The following R3HCC1L variants were observed in gnomAD, a reference collection of about 807,000 sequenced individuals.
R3HCC1L encodes the protein coiled-coil domain-containing protein R3HCC1L.
A neutral mutation model predicts 59.9 loss-of-function variants in R3HCC1L; 51 were observed. The observed-to-expected ratio is 0.85, with a 90% confidence interval of 0.68 to 1.07. R3HCC1L has a LOEUF of 1.07. R3HCC1L is among the 50% of genes least tolerant of loss of function. R3HCC1L has a pLI of 0.00. For missense variants in R3HCC1L, 965 were observed against 933.0 expected, an observed-to-expected ratio of 1.03 and a Z score of -0.45; for synonymous variants, 322 against 315.2, an observed-to-expected ratio of 1.02 and a Z score of -0.23.
intron 4 of R3HCC1L, among the ~76,000 whole-genome samples, chr10:98,205,519 T>C (rs1852536244): frequency 6.6e-6 from 1 of 152,208 alleles, no homozygotes; most frequent in Non-Finnish European, 1.5e-5. Context: ...TTACTTCAGC[T>C]AAGAAGTCGC....
chr10:98,142,087 T>C (rs1845197804), intron 1 of R3HCC1L, among the ~76,000 whole-genome samples: 2 of 152,244 alleles, frequency 1.3e-5, no homozygotes, highest in African/African-American at 4.8e-5. Flanking sequence ...TAAAAACTTT[T>C]AAACCTAAAG....
intron 4 of R3HCC1L, among the ~76,000 whole-genome samples, chr10:98,191,917 C>T (rs563987423): frequency 2.0e-4 from 30 of 152,220 alleles, no homozygotes; most frequent in Admixed American, 1.5e-3. Context: ...CTCTGCCTCG[C>T]GGGTTCAAGC....
chr10:98,153,372 C>T (rs899664038), intron 1 of R3HCC1L, among the ~76,000 whole-genome samples: 4 of 152,068 alleles, frequency 2.6e-5, no homozygotes, highest in East Asian at 3.9e-4. Flanking sequence ...GGATTAAGGG[C>T]GGTGCAACAT....
At chr10:98,217,846 G>C (rs1854394681) in intron 5 of R3HCC1L, among the ~76,000 whole-genome samples, 1 of 151,676 alleles carries the variant, frequency 6.6e-6, no homozygotes, top group African/African-American at 2.4e-5. Context: ...GTACAGAAAT[G>C]CTGAGTTATA....
At chr10:98,221,518 C>A (rs11189517) in intron 5 of R3HCC1L, among the ~76,000 whole-genome samples, 1 of 150,998 alleles carries the variant, frequency 6.6e-6, no homozygotes, top group African/African-American at 2.4e-5. Flanking sequence ...TTAGGTCTAA[C>A]GTTTAAGTCT....
Position 98,209,817 on chromosome 10 carries a change from A to T in R3HCC1L, c.1703A>T (p.Glu568Val). ...EPKATETSHT[E>V]GITAIEESWE... is the part of the protein sequence containing the mutation. The stretch of plus-strand genomic sequence containing the variant: ...AAAGCAACTGAAACTTCTCACACAG[A>T]GGGAATTACTGCCATTGAGGAGAGC... The change falls in exon 5 of 10, where the codon GAG (glutamate) becomes GTG (valine). Residue 568 changes from glutamate (E) to valine (V), a missense_variant. Physicochemically the swap from Glu to Val is moderately radical, Grantham distance 121. Coordinates refer to ENST00000298999, the MANE Select transcript of R3HCC1L (RefSeq NM_001351015.2). 1 of 1,613,896 alleles carries T rather than the reference A, an allele frequency of 6.2e-7. No homozygotes were observed.
chr10:98,180,953 G>A (rs1354344718), intron 4 of R3HCC1L, among the ~76,000 whole-genome samples: 1 of 152,126 alleles, frequency 6.6e-6, no homozygotes, highest in African/African-American at 2.4e-5. Context: ...CTCCGCATGT[G>A]AGTTGGGTCT....
chr10:98,174,611 A>AG, intron 4 of R3HCC1L: 2 of 985,266 alleles, frequency 2.0e-6, no homozygotes, highest in Non-Finnish European at 2.4e-6. Flanking sequence ...CTCATTTAGG[A>AG]GGGCGTTAGA....
At chr10:98,160,841 T>C (rs2134169622) in intron 2 of R3HCC1L, among the ~76,000 whole-genome samples, 1 of 152,322 alleles carries the variant, frequency 6.6e-6, no homozygotes, top group South Asian at 2.1e-4. Flanking sequence ...CAGTTATCCT[T>C]CATGTGTTTT....
chr10:98,192,526 G>A (rs952653908), intron 4 of R3HCC1L, among the ~76,000 whole-genome samples: 8 of 152,056 alleles, frequency 5.3e-5, no homozygotes, highest in South Asian at 4.1e-4. Context: ...ACAATTATAC[G>A]CCAACATATT....
At chr10:98,147,368 CTTTACT>C (rs1471545034) in intron 1 of R3HCC1L, among the ~76,000 whole-genome samples, 1 of 152,056 alleles carries the variant, frequency 6.6e-6, no homozygotes, top group Non-Finnish European at 1.5e-5. Flanking sequence ...TGGGTTATCT[CTTTACT>C]TTGATTGTTT....
At chr10:98,182,399 C>T (rs1249528400) in intron 4 of R3HCC1L, among the ~76,000 whole-genome samples, 1 of 152,140 alleles carries the variant, frequency 6.6e-6, no homozygotes, top group Non-Finnish European at 1.5e-5. Flanking sequence ...CTGATCCTTC[C>T]TCTGGAAGCT....
At position 98,209,283 on chromosome 10, in the gene R3HCC1L, CT is replaced by C. The variant is rs749109782; in HGVS notation, c.1170del (p.Val391LeufsTer6). 36 of 1,613,814 alleles carry C rather than the reference CT, an allele frequency of 2.2e-5. No individual in the cohort carries two copies. Among genetic ancestry groups the C allele is most frequent in the Middle Eastern group, 1.6e-4 (1 of 6,082 alleles). On this transcript the variant is annotated frameshift_variant, in exon 5 of 10. Transcript: ENST00000298999. LOFTEE classifies it high-confidence loss of function. ...GGTATGTCCTGTAGTGATCATGTAA[CT>C]GTTGATAGCCCTTATGTAGTTGCAG... is the stretch of plus-strand genomic sequence containing the variant. The part of the protein sequence containing the change: ...TTGMSCSDHV[T>X]VDSPYVVAVR...
At chr10:98,136,092 A>G (rs1404009933) in intron 1 of R3HCC1L, among the ~76,000 whole-genome samples, 3 of 149,748 alleles carry the variant, frequency 2.0e-5, no homozygotes, top group Non-Finnish European at 4.4e-5. Flanking sequence ...GGCTCAAATG[A>G]TCCTCCCGCC....
intron 5 of R3HCC1L, among the ~76,000 whole-genome samples, chr10:98,222,998 G>T (rs1855217002): frequency 6.6e-6 from 1 of 152,048 alleles, no homozygotes; most frequent in Non-Finnish European, 1.5e-5. Context: ...GGAAGAAGTT[G>T]AATCTCTGAA....
chr10:98,241,627 G>GT, intron 9 of R3HCC1L, among the ~76,000 whole-genome samples: 1 of 152,274 alleles, frequency 6.6e-6, no homozygotes, highest in Middle Eastern at 3.4e-3. Context: ...GTTTCATGCA[G>GT]TTTATCAGCT....
At chr10:98,150,113 A>G (rs1846000603) in intron 1 of R3HCC1L, among the ~76,000 whole-genome samples, 1 of 152,136 alleles carries the variant, frequency 6.6e-6, no homozygotes, top group African/African-American at 2.4e-5. Flanking sequence ...CAGTTCAGCA[A>G]ATGTATTTCT....
chr10:98,218,913 A>G (rs956465696), intron 5 of R3HCC1L, among the ~76,000 whole-genome samples: 9 of 152,084 alleles, frequency 5.9e-5, no homozygotes, highest in Admixed American at 4.6e-4. Context: ...TGATCGCTTT[A>G]TCATAGACTT....
At chr10:98,219,885 G>T (rs772133015) in intron 5 of R3HCC1L, among the ~76,000 whole-genome samples, 90 of 152,042 alleles carry the variant, frequency 5.9e-4, no homozygotes, top group Non-Finnish European at 1.0e-3. Context: ...GAATCTCTTT[G>T]GGAATCTTTG....
Sources: allele counts gnomAD v4.1 joint callset (sites outside exome capture counted in the v4.1 genomes callset), GRCh38; gene constraint gnomAD v4.1.1; transcripts MANE v1.5; gene names NCBI Gene and HGNC (gene_info 2026-07-23, HGNC 2026-07-21).